The following MMP16 variants were observed in gnomAD, a reference collection of about 807,000 sequenced individuals.
MMP16 encodes matrix metalloproteinase-16.
A neutral mutation model predicts 67.8 loss-of-function variants in MMP16; 12 were observed. The ratio of observed to expected loss-of-function variants is 0.18; its 90% confidence interval spans 0.11 to 0.29. The LOEUF (loss-of-function observed/expected upper bound fraction) is 0.29. Among genes scored for constraint, MMP16 ranks in the 10% least tolerant of loss-of-function variants. The pLI, the probability that MMP16 is intolerant of heterozygous loss-of-function variation, is 1.00. For synonymous variants in MMP16, 249 were observed against 255.9 expected, an observed-to-expected ratio of 0.97 and a Z score of 0.26; for missense variants, 475 against 765.7, an observed-to-expected ratio of 0.62 and a Z score of 4.48.
chr8:88,142,159 C>T (rs1808222463), intron 4 of MMP16, among the ~76,000 whole-genome samples: 1 of 151,966 alleles, frequency 6.6e-6, no homozygotes, highest in Admixed American at 6.6e-5. Flanking sequence ...ATCCGCTCGC[C>T]TCAGTCTCCC....
chr8:88,179,608 A>T (rs896474190), intron 3 of MMP16, among the ~76,000 whole-genome samples: 1 of 152,204 alleles, frequency 6.6e-6, no homozygotes, highest in Non-Finnish European at 1.5e-5. Flanking sequence ...TTTCAAAATA[A>T]TAACAAAAAT....
At chr8:88,154,618 C>G (rs1168272587) in intron 4 of MMP16, among the ~76,000 whole-genome samples, 2 of 149,866 alleles carry the variant, frequency 1.3e-5, no homozygotes, top group East Asian at 2.0e-4. Flanking sequence ...ATCGCAAGAA[C>G]AAAAAACCAA....
At chr8:88,184,563 GAAAAAAA>G (rs59310737) in intron 3 of MMP16, among the ~76,000 whole-genome samples, 6 of 10,936 alleles carry the variant, frequency 5.5e-4, no homozygotes, top group African/African-American at 1.6e-3. Context: ...CTCTCTCTCT[GAAAAAAA>G]AAAAAAAAAA....
chr8:88,139,288 G>A (rs1309890066), intron 4 of MMP16, among the ~76,000 whole-genome samples: 1 of 152,010 alleles, frequency 6.6e-6, no homozygotes, highest in East Asian at 1.9e-4. Flanking sequence ...TAAAATTTCA[G>A]GTGCTTCTCA....
intron 4 of MMP16, among the ~76,000 whole-genome samples, chr8:88,147,690 G>C (rs1808316537): frequency 6.6e-6 from 1 of 151,488 alleles, no homozygotes; most frequent in African/African-American, 2.4e-5. Flanking sequence ...GGAGTTTCCT[G>C]TGAAATTGTA....
At chr8:88,118,566 G>T (rs1010263603) in intron 5 of MMP16, 134 bp downstream of exon 5, 1 of 731,068 alleles carries the variant, frequency 1.4e-6, no homozygotes. Flanking sequence ...GAATAATTTT[G>T]CCAGTAGGCC....
chr8:88,215,252 C>A (rs531796640), intron 1 of MMP16, among the ~76,000 whole-genome samples: 1 of 151,940 alleles, frequency 6.6e-6, no homozygotes, highest in Non-Finnish European at 1.5e-5. Context: ...ATTGCTTGAA[C>A]CCAGGAGGCG....
At chr8:88,323,342 T>C (rs1247402927) in intron 1 of MMP16, among the ~76,000 whole-genome samples, 1 of 152,192 alleles carries the variant, frequency 6.6e-6, no homozygotes, top group Non-Finnish European at 1.5e-5. Context: ...TTTAGGTACA[T>C]GCAGGCAAAC....
At chr8:88,135,036 T>A (rs1433037172) in intron 4 of MMP16, among the ~76,000 whole-genome samples, 1 of 151,716 alleles carries the variant, frequency 6.6e-6, no homozygotes, top group Non-Finnish European at 1.5e-5. Flanking sequence ...ATCTCACAAC[T>A]ATTCCATTGA....
rs961740794 is a variant in MMP16, at chr8:88,035,676, G to A, written c.*5785C>T. ...TGTTCTAATAAATGATGCATGTCAC[G>A]TCCAGTTATAAGCCCATAATTGTGT... On this transcript the variant is annotated 3_prime_UTR_variant, in exon 10 of 10. Transcript: ENST00000286614. The surrounding 1 kb of genome is among the most constrained non-coding windows in gnomAD (Gnocchi z 4.7). 2.6e-5 allele frequency: 4 copies of A among 151,860 alleles called. No homozygotes were observed. Among genetic ancestry groups the A allele is most frequent in the South Asian group, 2.1e-4 (1 of 4,826 alleles). The allele number at this position is 151,860 out of a possible 1,614,324, so 9.4% of individuals were successfully genotyped here. A position where few individuals can be genotyped will look rare whatever the true frequency, so the allele number is the denominator to read the frequency against.
At chr8:88,319,913 T>C (rs903624941) in intron 1 of MMP16, among the ~76,000 whole-genome samples, 1 of 152,206 alleles carries the variant, frequency 6.6e-6, no homozygotes, top group Non-Finnish European at 1.5e-5. Flanking sequence ...TCAGGGTCCA[T>C]GACTTACTTC....
intron 5 of MMP16, among the ~76,000 whole-genome samples, chr8:88,117,085 G>A (rs185083636): frequency 1.3e-5 from 2 of 152,190 alleles, no homozygotes; most frequent in African/African-American, 4.8e-5. Context: ...AGCCATGTAA[G>A]TAAGCTCCAA....
chr8:88,250,191 G>A (rs930264158), intron 1 of MMP16, among the ~76,000 whole-genome samples: 2 of 151,944 alleles, frequency 1.3e-5, no homozygotes, highest in South Asian at 2.1e-4. Flanking sequence ...ATTCCTGCCC[G>A]ACAAATTTCT....
intron 1 of MMP16, among the ~76,000 whole-genome samples, chr8:88,273,025 C>CA (rs1192721218): frequency 4.2e-4 from 54 of 127,334 alleles, no homozygotes; most frequent in South Asian, 2.5e-3. Context: ...AAAAGAAAAA[C>CA]AAAAAAAAAG....
intron 1 of MMP16, among the ~76,000 whole-genome samples, chr8:88,265,421 A>G (rs1810460105): frequency 6.6e-6 from 1 of 152,048 alleles, no homozygotes; most frequent in African/African-American, 2.4e-5. Flanking sequence ...TCAGTGGTGA[A>G]AAAAACACAG....
At chr8:88,105,097 C>T (rs1809214600) in intron 6 of MMP16, among the ~76,000 whole-genome samples, 1 of 151,204 alleles carries the variant, frequency 6.6e-6, no homozygotes, top group Non-Finnish European at 1.5e-5. Context: ...TCTGCAGGCT[C>T]CACTCATGGC....
At chr8:88,310,788 G>C (rs1811283228) in intron 1 of MMP16, among the ~76,000 whole-genome samples, 2 of 151,990 alleles carry the variant, frequency 1.3e-5, no homozygotes, top group Admixed American at 1.3e-4. Context: ...CAAGAAGAGA[G>C]AAAAAAAGTT....
chr8:88,160,606 T>A (rs1445530625), intron 4 of MMP16, among the ~76,000 whole-genome samples: 2 of 152,044 alleles, frequency 1.3e-5, no homozygotes, highest in African/African-American at 4.8e-5. Context: ...CCAGTTAGAA[T>A]GGCAATCATT....
chr8:88,294,753 C>T (rs568132703), intron 1 of MMP16, among the ~76,000 whole-genome samples: 7 of 152,224 alleles, frequency 4.6e-5, no homozygotes, highest in African/African-American at 9.6e-5. Context: ...CTCGCTCTGT[C>T]GCCCAGGCTG....
Sources: gnomAD v4.1 joint callset for allele counts (sites outside exome capture counted in the v4.1 genomes callset) on GRCh38, gnomAD v4.1.1 for gene constraint, Gnocchi (gnomAD v3.1) non-coding constraint, MANE v1.5 for transcripts, NCBI Gene and HGNC (gene_info 2026-07-23, HGNC 2026-07-21) for gene names.